Variants in B4GALNT2 observed in about 807,000 individuals in gnomAD.
B4GALNT2 encodes beta-1,4-N-acetyl-galactosaminyltransferase 2 (SID blood group).
B4GALNT2 carries 42 observed loss-of-function variants against 51.1 expected under a neutral mutation model. The ratio of observed to expected loss-of-function variants is 0.82; its 90% CI spans 0.64 to 1.06. The LOEUF is 1.06. B4GALNT2 is among the 50% of genes least tolerant of loss of function. The probability of loss-of-function intolerance (pLI) is 0.00; values close to 1 mark genes in which losing one functional copy is unlikely to be tolerated. For synonymous variants in B4GALNT2, 253 were observed against 251.7 expected (o/e 1.01, Z -0.05); for missense variants, 602 against 633.6 (o/e 0.95, Z 0.54).
Position 49,164,272 on chromosome 17 carries a change from G to C in B4GALNT2, c.951G>C (p.Gly317=), listed in dbSNP as rs2144336139. The C allele has an allele frequency of 6.2e-7, 1 of 1,610,862 alleles. No individual in the cohort carries two copies. Among genetic ancestry groups the C allele is most frequent in the Non-Finnish European group, 8.5e-7 (1 of 1,177,098 alleles). Residue 317 remains glycine, a synonymous_variant, in exon 8 of 11, where the codon GGG becomes GGC. Coordinates refer to ENST00000393354, the MANE Select transcript of B4GALNT2 (RefSeq NM_001159387.2). The part of the protein sequence containing the change: ...NHVEYYTMPF[G]KGWFAGRNLA... ...TGGAGTATTACACTATGCCCTTTGGGAAGGTATGTCCCTCTCAGATTGGGT... is the reference window on the plus strand; with the variant it reads ...TGGAGTATTACACTATGCCCTTTGGCAAGGTATGTCCCTCTCAGATTGGGT...
At chr17:49,166,309 G>T in intron 9 of B4GALNT2, 55 bp downstream of exon 9, 1 of 1,400,484 alleles carries the variant, frequency 7.1e-7, no homozygotes, top group Admixed American at 2.0e-5. Flanking sequence ...TGGAGAAGAG[G>T]GGAGAAGAGA....
upstream of B4GALNT2, among the ~76,000 whole-genome samples, chr17:49,130,714 T>C (rs2091040): frequency 0.53 from 80,299 of 151,968 alleles, 21,520 homozygotes; most frequent in Middle Eastern, 0.62. Context: ...TTCTTATTGT[T>C]GCAGAAACCA....
At chr17:49,160,098 A>G (rs1469176807) in intron 6 of B4GALNT2, among the ~76,000 whole-genome samples, 1 of 152,164 alleles carries the variant, frequency 6.6e-6, no homozygotes, top group Non-Finnish European at 1.5e-5. Flanking sequence ...CATCAACAGA[A>G]AAAAATGTAA....
At chr17:49,139,115 G>A (rs572627346) in intron 1 of B4GALNT2, among the ~76,000 whole-genome samples, 1 of 152,168 alleles carries the variant, frequency 6.6e-6, no homozygotes, top group African/African-American at 2.4e-5. Flanking sequence ...TTCTGAATAT[G>A]TAATCATTTC....
Position 49,175,689 on chromosome 17 carries a change from T to A in B4GALNT2, c.*5961T>A, listed in dbSNP as rs1436648568. ...TTTCCCTGTTGATCTGGGGGGTATATCCTAACAGGGAACTGCCAAGCCTCT... is the reference window on the plus strand; with the variant it reads ...TTTCCCTGTTGATCTGGGGGGTATAACCTAACAGGGAACTGCCAAGCCTCT... On this transcript the variant is annotated 3_prime_UTR_variant, in exon 11 of 11. Coordinates refer to ENST00000393354, the MANE Select transcript of B4GALNT2 (RefSeq NM_001159387.2). 1.3e-5 allele frequency: 2 copies of A among 152,098 alleles called. No individual in the cohort carries two copies. Among genetic ancestry groups the A allele is most frequent in the Non-Finnish European group, 1.5e-5 (1 of 68,030 alleles). 9.4% of individuals were successfully genotyped at this position (152,098 alleles called of 1,614,324 possible). A position where few individuals can be genotyped will look rare whatever the true frequency, so the allele number is the denominator to read the frequency against.
intron 3 of B4GALNT2, among the ~76,000 whole-genome samples, chr17:49,152,333 G>A (rs1051918603): frequency 2.0e-5 from 3 of 152,208 alleles, no homozygotes; most frequent in African/African-American, 7.2e-5. Flanking sequence ...AGCCGTGATT[G>A]TGCCACTGTA....
intron 1 of B4GALNT2, among the ~76,000 whole-genome samples, chr17:49,140,187 G>A (rs1461747191): frequency 2.0e-5 from 3 of 150,678 alleles, no homozygotes; most frequent in Non-Finnish European, 4.4e-5. Context: ...TGCGACCTCC[G>A]CCTCCCAGGT....
upstream of B4GALNT2, among the ~76,000 whole-genome samples, chr17:49,130,918 C>A (rs1165533551): frequency 1.3e-5 from 2 of 152,196 alleles, no homozygotes; most frequent in African/African-American, 4.8e-5. Context: ...CCTTTGGTTT[C>A]TCATCTTCTT....
rs186800503 is a variant in B4GALNT2 at position 49,139,193 on chromosome 17, G to A, written c.15-2054G>A. 9.9e-4 allele frequency among the ~76,000 whole-genome samples: 150 copies of A among 151,372 alleles called. 1 individual carries two copies. The highest frequency in any genetic ancestry group is 3.4e-3 in the African/African-American group (141 of 41,336). ...TTTTATTCTATAAGCTAATCTTACT[G>A]CATTGATTAGCACTTCCATGACAAT... On this transcript the variant is annotated intron_variant, in intron 1 of 10. Transcript: ENST00000393354.
rs1044853812 is a variant in B4GALNT2, at chr17:49,133,362, G to T, written c.14+556G>T. On this transcript the variant is annotated intron_variant, in intron 1 of 10. Transcript: ENST00000393354. Reference sequence around the variant, plus strand: ...CCCACCGCAGGGCAGAGTGAGCTGCGGTTGTGTGGCCCCGCGTGCTAAAGA... The same window carrying T: ...CCCACCGCAGGGCAGAGTGAGCTGCTGTTGTGTGGCCCCGCGTGCTAAAGA... 5 of 912,158 alleles carry T rather than the reference G, an allele frequency of 5.5e-6. No individual in the cohort carries two copies. The South Asian group carries it at 7.2e-5, about 13-fold the overall frequency. 56.5% of individuals were successfully genotyped at this position (912,158 alleles called of 1,614,324 possible).
At chr17:49,150,082 C>G (rs930994487) in intron 3 of B4GALNT2, among the ~76,000 whole-genome samples, 1 of 151,858 alleles carries the variant, frequency 6.6e-6, no homozygotes, top group Non-Finnish European at 1.5e-5. Context: ...GGGGGGTCAG[C>G]CCCCCACCTG....
chr17:49,174,594 A>G lies in B4GALNT2; in HGVS notation c.*4866A>G, dbSNP rs2042976587. On this transcript the variant is annotated 3_prime_UTR_variant, in exon 11 of 11. Transcript: ENST00000393354. Reference sequence around the variant, plus strand: ...TCAGTTAACAGTCTCCATGTACCTGATTTTTTCTTAATTATAAAAACTGGA... The same window carrying G: ...TCAGTTAACAGTCTCCATGTACCTGGTTTTTTCTTAATTATAAAAACTGGA... 1 of 152,106 alleles carries G rather than the reference A, an allele frequency of 6.6e-6. No homozygotes were observed. The highest frequency in any genetic ancestry group is 2.4e-5 in the African/African-American group (1 of 41,418). The allele number at this position is 152,106 out of a possible 1,614,324, so 9.4% of individuals were successfully genotyped here. A position where few individuals can be genotyped will look rare whatever the true frequency, so the allele number is the denominator to read the frequency against.
At position 49,152,812 on chromosome 17, in the gene B4GALNT2, C is replaced by A; in HGVS notation, c.366C>A (p.Pro122=). 6.2e-7 allele frequency: 1 copy of A among 1,602,650 alleles called. No individual in the cohort carries two copies. The highest frequency in any genetic ancestry group is 1.3e-5 in the African/African-American group (1 of 74,700). Residue 122 remains proline, a synonymous_variant, in exon 4 of 11, where the codon CCC becomes CCA. Transcript: ENST00000393354. The part of the protein sequence containing the change: ...FEHFQRREGL[P]RPLPLLVQPN... ...CTCCTTCCTGCAGAGAAGGGCTGCC[C>A]CGCCCACTGCCCCTGCTGGTCCAGC...
In B4GALNT2 at chr17:49,159,113, A is replaced by G. The variant is rs1176391617; in HGVS notation, c.575A>G (p.Gln192Arg). Residue 192 changes from glutamine (Q) to arginine (R), a missense_variant, in exon 6 of 11, where the codon CAG (glutamine) becomes CGG (arginine). Coordinates refer to ENST00000393354, the MANE Select transcript of B4GALNT2 (RefSeq NM_001159387.2). ...GACAGTGTGGTGCAGGGCAGAGGCCAGAAGCAGCTGATCATTTCTACCAGT... is the reference window on the plus strand; with the variant it reads ...GACAGTGTGGTGCAGGGCAGAGGCCGGAAGCAGCTGATCATTTCTACCAGT... ...VPDSVVQGRG[Q>R]KQLIISTSDR... The G allele has an allele frequency of 1.2e-6, 2 of 1,614,130 alleles. No individual in the cohort carries two copies. The highest frequency in any genetic ancestry group is 1.3e-5 in the African/African-American group (1 of 74,944).
chr17:49,130,737 G>A (rs2042533283), upstream of B4GALNT2, among the ~76,000 whole-genome samples: 1 of 152,212 alleles, frequency 6.6e-6, no homozygotes, highest in East Asian at 1.9e-4. Flanking sequence ...GTTTCTGCCT[G>A]TAGCCCCTAT....
the B4GALNT2 span, among the ~76,000 whole-genome samples, chr17:49,126,633 T>C: frequency 2.7e-5 from 1 of 36,586 alleles, no homozygotes; most frequent in African/African-American, 8.8e-5. Context: ...CGTACATTTC[T>C]TTTTTTTTCT....
At chr17:49,169,191 A>G (rs2042938661) in intron 10 of B4GALNT2, among the ~76,000 whole-genome samples, 1 of 150,162 alleles carries the variant, frequency 6.7e-6, no homozygotes. Flanking sequence ...TTCATATTCT[A>G]TTTTTTCAGA....
intron 2 of B4GALNT2, among the ~76,000 whole-genome samples, chr17:49,141,769 T>C (rs1309397692): frequency 1.3e-5 from 2 of 152,134 alleles, no homozygotes; most frequent in Non-Finnish European, 2.9e-5. Context: ...GTCACGTGGC[T>C]CTCAGATTTA....
At chr17:49,134,488 T>C (rs192161446) in intron 1 of B4GALNT2, among the ~76,000 whole-genome samples, 1 of 152,362 alleles carries the variant, frequency 6.6e-6, no homozygotes, top group East Asian at 1.9e-4. Context: ...CACTGCAATC[T>C]TTCCCTCCCG....
Sources: gnomAD v4.1 joint callset for allele counts (sites outside exome capture counted in the v4.1 genomes callset) on GRCh38, gnomAD v4.1.1 for gene constraint, MANE v1.5 for transcripts, NCBI Gene and HGNC (gene_info 2026-07-23, HGNC 2026-07-21) for gene names.